Variants in CFAP44 observed in about 807,000 individuals in gnomAD.
CFAP44 encodes cilia- and flagella-associated protein 44.
CFAP44 carries 134 observed loss-of-function variants against 216.2 expected under a neutral mutation model. The ratio of observed to expected loss-of-function variants is 0.62; its 90% CI spans 0.54 to 0.72. The LOEUF (loss-of-function observed/expected upper bound fraction) is 0.72. Among genes scored for constraint, CFAP44 ranks in the 30% least tolerant of loss-of-function variants. CFAP44 has a pLI of 0.00. For missense variants in CFAP44, 2,035 were observed against 2,182.1 expected, an observed-to-expected ratio of 0.93 and a Z score of 1.34; for synonymous variants, 700 against 727.6, an observed-to-expected ratio of 0.96 and a Z score of 0.61.
intron 2 of CFAP44, among the ~76,000 whole-genome samples, chr3:113,431,435 C>T (rs895950740): frequency 6.6e-6 from 1 of 152,100 alleles, no homozygotes; most frequent in African/African-American, 2.4e-5. Flanking sequence ...TTGAGAGTAG[C>T]ATCCAGGAAA....
chr3:113,416,678 AAT>A (rs777247466), intron 5 of CFAP44, 51 bp from the exon 6 acceptor site: 9 of 1,337,026 alleles, frequency 6.7e-6, no homozygotes, highest in Non-Finnish European at 9.4e-6. Flanking sequence ...TTTTTGTATA[AAT>A]AGTCTGATTA....
chr3:113,335,159 T>C (rs1313618346), intron 24 of CFAP44, among the ~76,000 whole-genome samples: 1 of 152,150 alleles, frequency 6.6e-6, no homozygotes, highest in Non-Finnish European at 1.5e-5. Flanking sequence ...ATTATCCTCA[T>C]AATATAAACA....
At chr3:113,423,525 A>G (rs372139250) in intron 4 of CFAP44, among the ~76,000 whole-genome samples, 13 of 152,218 alleles carry the variant, frequency 8.5e-5, no homozygotes, top group African/African-American at 3.1e-4. Flanking sequence ...ATGTACCTTC[A>G]GCTCCCTTTG....
intron 4 of CFAP44, among the ~76,000 whole-genome samples, chr3:113,422,544 CATAA>C (rs1934845488): frequency 6.6e-6 from 1 of 152,116 alleles, no homozygotes; most frequent in African/African-American, 2.4e-5. Flanking sequence ...TTAATAAACA[CATAA>C]ATGCCTAAAA....
intron 22 of CFAP44, among the ~76,000 whole-genome samples, chr3:113,352,956 C>G (rs1950458584): frequency 6.6e-6 from 1 of 152,138 alleles, no homozygotes; most frequent in Non-Finnish European, 1.5e-5. Flanking sequence ...TCCATATGTT[C>G]CCTGAAAACA....
At chr3:113,401,559 G>A in intron 10 of CFAP44, 25 bp downstream of exon 10, 1 of 1,610,678 alleles carries the variant, frequency 6.2e-7, no homozygotes, top group Non-Finnish European at 8.5e-7. Flanking sequence ...ATGTTAAAGA[G>A]CCAAGAGACA....
intron 1 of CFAP44, among the ~76,000 whole-genome samples, chr3:113,437,230 TATC>T (rs1245586933): frequency 6.6e-6 from 1 of 152,234 alleles, no homozygotes; most frequent in East Asian, 1.9e-4. Context: ...TCTTCCCTGC[TATC>T]ATAAGCCTCA....
intron 29 of CFAP44, among the ~76,000 whole-genome samples, chr3:113,306,827 T>C (rs1949990117): frequency 6.6e-6 from 1 of 152,214 alleles, no homozygotes; most frequent in African/African-American, 2.4e-5. Flanking sequence ...CCTAGTGCTA[T>C]CACCATACTA....
intron 4 of CFAP44, 108 bp downstream of exon 4, chr3:113,426,016 C>G: frequency 7.4e-7 from 1 of 1,349,276 alleles, no homozygotes; most frequent in South Asian, 1.5e-5. Flanking sequence ...ACTTGATTTA[C>G]CAAAACAGGT....
intron 6 of CFAP44, among the ~76,000 whole-genome samples, chr3:113,412,522 C>G (rs957428005): frequency 5.9e-5 from 9 of 151,830 alleles, no homozygotes; most frequent in African/African-American, 2.2e-4. Context: ...GTTCCTTCCC[C>G]TCACCCCCAC....
intron 32 of CFAP44, 134 bp downstream of exon 32, chr3:113,303,782 T>G: frequency 1.1e-6 from 1 of 915,886 alleles, no homozygotes; most frequent in South Asian, 1.8e-5. Flanking sequence ...AGGAAGATGT[T>G]GTGGTGTTCT....
At position 113,290,281 on chromosome 3, in the gene CFAP44, A is replaced by T. The variant is rs529620477; in HGVS notation, c.*1276T>A. On this transcript the variant is annotated 3_prime_UTR_variant, in exon 35 of 35. Coordinates refer to ENST00000393845, the MANE Select transcript of CFAP44 (RefSeq NM_001164496.2). ...AACAATAAGGTATTCTGACCTCTTA[A>T]ATAGGAATATGAAGGAATCTTAGGA... 2 of 152,354 alleles carry T rather than the reference A, an allele frequency of 1.3e-5. No individual in the cohort carries two copies. Among genetic ancestry groups the T allele is most frequent in the East Asian group, 1.9e-4 (1 of 5,190 alleles). 9.4% of individuals were successfully genotyped at this position (152,354 alleles called of 1,614,324 possible).
At chr3:113,344,755 T>A in intron 22 of CFAP44, 43 bp from the exon 23 acceptor site, 1 of 1,426,924 alleles carries the variant, frequency 7.0e-7, no homozygotes, top group Non-Finnish European at 9.2e-7. Context: ...ACCATTTTGA[T>A]CATTCTGCAT....
intron 32 of CFAP44, 79 bp downstream of exon 32, chr3:113,303,837 C>G: frequency 7.0e-7 from 1 of 1,428,646 alleles, no homozygotes; most frequent in Non-Finnish European, 9.4e-7. Flanking sequence ...ACTATTTTCA[C>G]AGTTGGAGAC....
At position 113,369,320 on chromosome 3, in the gene CFAP44, C is replaced by T. The variant is rs367644538; in HGVS notation, c.2445-3011G>A. On this transcript the variant is annotated intron_variant, in intron 18 of 34. Transcript: ENST00000393845. ...ACATCATATTTATTCTAAAACTGAC[C>T]ACATAATTGGAAGTAAAACACTCCT... 3.9e-5 allele frequency among the ~76,000 whole-genome samples: 6 copies of T among 152,074 alleles called. No homozygotes were observed. In the East Asian group the frequency reaches 9.6e-4, roughly 24 times the overall value.
Position 113,290,398 on chromosome 3 carries a change from T to C in CFAP44, c.*1159A>G, listed in dbSNP as rs184261084. ...AATTTTGGGGGGCACATTAGCAGGC[T>C]AATCACAGGTGAGGAAGACTTGGCA... On this transcript the variant is annotated 3_prime_UTR_variant, in exon 35 of 35. Transcript: ENST00000393845. 1 of 152,368 alleles carries C rather than the reference T, an allele frequency of 6.6e-6. No homozygotes were observed. The allele number at this position is 152,368 out of a possible 1,614,324, so 9.4% of individuals were successfully genotyped here. A position where few individuals can be genotyped will look rare whatever the true frequency, so the allele number is the denominator to read the frequency against.
At chr3:113,365,300 C>T (rs1190908270) in intron 19 of CFAP44, among the ~76,000 whole-genome samples, 3 of 152,126 alleles carry the variant, frequency 2.0e-5, no homozygotes, top group Non-Finnish European at 4.4e-5. Flanking sequence ...ATCTTCCCTA[C>T]ATTCTTTATG....
At chr3:113,415,838 G>A (rs1000871236) in intron 6 of CFAP44, among the ~76,000 whole-genome samples, 1 of 152,162 alleles carries the variant, frequency 6.6e-6, no homozygotes, top group African/African-American at 2.4e-5. Flanking sequence ...ATATTCTGTA[G>A]ATTTGGAGTA....
intron 28 of CFAP44, among the ~76,000 whole-genome samples, chr3:113,322,063 A>T (rs909846410): frequency 1.3e-5 from 2 of 152,256 alleles, no homozygotes. Context: ...CCAAATAGCC[A>T]ATGCAATCCT....
Sources: allele counts gnomAD v4.1 joint callset (sites outside exome capture counted in the v4.1 genomes callset), GRCh38; gene constraint gnomAD v4.1.1; transcripts MANE v1.5; gene names NCBI Gene and HGNC (gene_info 2026-07-23, HGNC 2026-07-21).